PDE10A: variants seen among roughly 807,000 people sequenced by gnomAD.
PDE10A encodes the protein phosphodiesterase 10A.
In PDE10A, 39 loss-of-function variants were observed where a neutral mutation model predicts 97.7. The ratio of observed to expected loss-of-function variants is 0.40; its 90% confidence interval spans 0.31 to 0.52. The LOEUF (loss-of-function observed/expected upper bound fraction) is 0.52. Ranked by LOEUF, PDE10A falls within the 20% of genes least tolerant of loss-of-function variation. The pLI is 0.56. For synonymous variants in PDE10A, 371 were observed against 376.8 expected (o/e 0.98, Z 0.18); for missense variants, 731 against 1,047.8 (o/e 0.70, Z 4.17).
rs1304051067 is a variant in PDE10A at position 165,588,359 on chromosome 6, C to T, written c.866-44791G>A. Among the ~76,000 whole-genome samples the T allele has an allele frequency of 6.0e-5, 8 of 132,648 alleles. No homozygotes were observed. The East Asian group carries it at 1.7e-3, about 28-fold the overall frequency. The allele number at this position is 132,648 out of a possible 152,430, so 87.0% of individuals were successfully genotyped here. On this transcript the variant is annotated intron_variant, in intron 1 of 21. Transcript: ENST00000539869. Reference sequence around the variant, plus strand: ...AGGCTGGAGTGCAATGGCATGATCTCGGCTCACTGCAACCTCCACCTCCTA... The same window carrying T: ...AGGCTGGAGTGCAATGGCATGATCTTGGCTCACTGCAACCTCCACCTCCTA...
chr6:165,576,718 C>G (rs912145002), intron 1 of PDE10A, among the ~76,000 whole-genome samples: 1 of 152,120 alleles, frequency 6.6e-6, no homozygotes, highest in Non-Finnish European at 1.5e-5. Flanking sequence ...CCCAGTCATC[C>G]TCCAATCCAC....
chr6:165,858,441 T>A (rs1052799624), intron 1 of PDE10A, among the ~76,000 whole-genome samples: 1 of 152,078 alleles, frequency 6.6e-6, no homozygotes. Context: ...GAACCATGAG[T>A]TTAAACCTGA....
At chr6:165,392,555 T>C (rs898369700) in intron 16 of PDE10A, 91 bp downstream of exon 16, 2 of 1,268,824 alleles carry the variant, frequency 1.6e-6, no homozygotes, top group African/African-American at 2.9e-5. Context: ...TGGAATAACA[T>C]GTCACAAATC....
chr6:165,389,099 C>G (rs1336899894), intron 16 of PDE10A, among the ~76,000 whole-genome samples: 1 of 152,110 alleles, frequency 6.6e-6, no homozygotes, highest in Non-Finnish European at 1.5e-5. Context: ...ACAACATAAA[C>G]TTGAAGGCGA....
intron 2 of PDE10A, among the ~76,000 whole-genome samples, chr6:165,483,701 T>C (rs937763038): frequency 1.3e-5 from 2 of 152,222 alleles, no homozygotes; most frequent in Admixed American, 6.5e-5. Context: ...AAAGGAGCAA[T>C]GTGTGAACAG....
At chr6:165,585,299 AG>A (rs1053414125) in intron 1 of PDE10A, among the ~76,000 whole-genome samples, 44 of 152,312 alleles carry the variant, frequency 2.9e-4, no homozygotes, top group African/African-American at 9.9e-4. Context: ...CCAAGTTTAC[AG>A]GGGGTGATGG....
chr6:165,413,602 G>T lies in PDE10A; in HGVS notation c.1975C>A (p.Gln659Lys). 6.2e-7 allele frequency: 1 copy of T among 1,614,018 alleles called. No homozygotes were observed. The highest frequency in any genetic ancestry group is 8.5e-7 in the Non-Finnish European group (1 of 1,179,882). Residue 659 changes from glutamine (Q) to lysine (K), a missense_variant, in exon 13 of 22, where the codon CAG becomes AAG. Physicochemically the swap from Gln to Lys is moderately conservative, Grantham distance 53. Around this residue, in one of 8 missense-constraint regions of PDE10A, gnomAD observed 108 missense variants for 199.8 expected, o/e 0.54. Transcript: ENST00000539869. ...CTGCCACTGATTTTGTTGACCATCT[G>T]CACCACACCTATCACGCTGCCTCGG... The part of the protein sequence containing the change: ...VSRGSVIGVV[Q>K]MVNKISGSAF...
chr6:165,568,294 C>T (rs879877224), intron 1 of PDE10A, among the ~76,000 whole-genome samples: 84 of 152,136 alleles, frequency 5.5e-4, no homozygotes, highest in African/African-American at 2.0e-3. Context: ...CCACCGCATC[C>T]GGCCAGCATT....
chr6:165,457,090 C>G lies in PDE10A; in HGVS notation c.1024-6728G>C, dbSNP rs148139513. 5.1e-4 allele frequency among the ~76,000 whole-genome samples: 78 copies of G among 152,230 alleles called. 1 individual carries two copies. Among genetic ancestry groups the G allele is most frequent in the African/African-American group, 1.8e-3 (76 of 41,536 alleles). Reference sequence around the variant, plus strand: ...AATTACGTGAATGTCAAATCACATACTTGTAAGACACTTCTATGGAAACCC... The same window carrying G: ...AATTACGTGAATGTCAAATCACATAGTTGTAAGACACTTCTATGGAAACCC... On this transcript the variant is annotated intron_variant, in intron 3 of 21. Coordinates refer to ENST00000539869, the MANE Select transcript of PDE10A (RefSeq NM_001385079.1).
intron 1 of PDE10A, among the ~76,000 whole-genome samples, chr6:165,885,328 A>G (rs1781599332): frequency 6.6e-6 from 1 of 152,194 alleles, no homozygotes; most frequent in African/African-American, 2.4e-5. Flanking sequence ...CCTTCTTCAC[A>G]AGGTGGCAGA....
chr6:165,855,172 G>A (rs1244663924), intron 1 of PDE10A, among the ~76,000 whole-genome samples: 2 of 152,078 alleles, frequency 1.3e-5, no homozygotes, highest in African/African-American at 4.8e-5. Context: ...GGGGCCCACA[G>A]CAGCTACCCC....
intron 1 of PDE10A, among the ~76,000 whole-genome samples, chr6:165,825,565 G>A (rs1384339831): frequency 6.6e-6 from 1 of 152,188 alleles, no homozygotes; most frequent in Non-Finnish European, 1.5e-5. Context: ...CTCCTGCTGG[G>A]CCTCTCCAGC....
intron 1 of PDE10A, among the ~76,000 whole-genome samples, chr6:165,960,663 C>T (rs569006867): frequency 6.6e-5 from 10 of 152,248 alleles, no homozygotes; most frequent in African/African-American, 9.6e-5. Context: ...CAGATCTGTA[C>T]GGCAAGGGAC....
rs1781244473 is a variant in PDE10A at position 165,329,882 on chromosome 6, C to G, written c.*3143G>C. 6.6e-6 allele frequency: 1 copy of G among 152,080 alleles called. No individual in the cohort carries two copies. 9.4% of individuals were successfully genotyped at this position (152,080 alleles called of 1,614,324 possible). On this transcript the variant is annotated 3_prime_UTR_variant, in exon 22 of 22. Coordinates refer to ENST00000539869, the MANE Select transcript of PDE10A (RefSeq NM_001385079.1). ...TTTGCAAGATGGGTTTTTCATACAC[C>G]TCTTAGAGAGAAGTACAGCTGGGAA...
At chr6:165,836,200 G>A (rs1372458327) in intron 1 of PDE10A, among the ~76,000 whole-genome samples, 1 of 152,176 alleles carries the variant, frequency 6.6e-6, no homozygotes, top group African/African-American at 2.4e-5. Context: ...GGGGACTGTA[G>A]ATCGTCCAAG....
At chr6:165,559,207 G>A (rs921748921) in intron 1 of PDE10A, among the ~76,000 whole-genome samples, 1 of 152,106 alleles carries the variant, frequency 6.6e-6, no homozygotes, top group Non-Finnish European at 1.5e-5. Context: ...TTTTGGTTTG[G>A]GATCTGCTTA....
chr6:165,386,973 G>A (rs1001649072), intron 17 of PDE10A, among the ~76,000 whole-genome samples: 10 of 151,868 alleles, frequency 6.6e-5, no homozygotes, highest in African/African-American at 1.5e-4. Context: ...CCCAGATCGC[G>A]CCACTGCACT....
intron 1 of PDE10A, among the ~76,000 whole-genome samples, chr6:165,867,656 C>T (rs1781096492): frequency 6.6e-6 from 1 of 151,976 alleles, no homozygotes; most frequent in Admixed American, 6.6e-5. Context: ...CAAACTTAAT[C>T]TGCACCATAG....
intron 1 of PDE10A, among the ~76,000 whole-genome samples, chr6:165,842,156 G>A (rs1780280973): frequency 6.6e-6 from 1 of 152,010 alleles, no homozygotes; most frequent in Non-Finnish European, 1.5e-5. Flanking sequence ...ATCTTAATGG[G>A]TTTGTCTTTG....
Sources: gnomAD v4.1 joint callset for allele counts (sites outside exome capture counted in the v4.1 genomes callset) on GRCh38, gnomAD v4.1.1 for gene constraint, gnomAD v4.1.1 regional missense constraint, MANE v1.5 for transcripts, NCBI Gene and HGNC (gene_info 2026-07-23, HGNC 2026-07-21) for gene names.